The following OSBPL3 variants were observed in gnomAD, a reference collection of about 807,000 sequenced individuals.
OSBPL3 encodes oxysterol binding protein like 3, also known as oxysterol-binding protein-related protein 3.
OSBPL3 carries 65 observed loss-of-function variants against 120.1 expected under a neutral mutation model. That is an observed-to-expected ratio of 0.54 (90% CI 0.44 to 0.67). The LOEUF (loss-of-function observed/expected upper bound fraction) is 0.67. Among genes scored for constraint, OSBPL3 ranks in the 30% least tolerant of loss-of-function variants. OSBPL3 has a pLI of 0.00. For missense variants in OSBPL3, 1,004 were observed against 1,082.1 expected (o/e 0.93, Z 1.01); for synonymous variants, 416 against 402.6 (o/e 1.03, Z -0.40).
intron 5 of OSBPL3, 143 bp from the exon 6 acceptor site, chr7:24,866,380 G>T: frequency 1.5e-6 from 1 of 686,390 alleles, no homozygotes; most frequent in Non-Finnish European, 2.5e-6. Flanking sequence ...GCTGATGCCT[G>T]TAATTCCAGC....
intron 1 of OSBPL3, among the ~76,000 whole-genome samples, chr7:24,935,871 G>A (rs1036225895): frequency 3.3e-5 from 5 of 151,898 alleles, no homozygotes; most frequent in African/African-American, 1.2e-4. Context: ...GTATATTCTC[G>A]AAGAAGGAAT....
Position 24,861,599 on chromosome 7 carries a change from GAAAA to G in OSBPL3, c.1027+10_1027+13del, listed in dbSNP as rs1800544938. The G allele has an allele frequency of 6.4e-7, 1 of 1,564,288 alleles. No individual in the cohort carries two copies. The highest frequency in any genetic ancestry group is 1.9e-5 in the Admixed American group (1 of 52,694). On this transcript the variant is annotated intron_variant, in intron 10 of 22. Transcript: ENST00000313367. ...TTTCATCAAACACATTAGGAAGAAA[GAAAA>G]CTCATTTACCTTTATGGGCAATATG... is the stretch of plus-strand genomic sequence containing the variant.
chr7:24,922,436 G>C lies in OSBPL3; in HGVS notation c.-149-29815C>G, dbSNP rs10242072. 0.23 allele frequency among the ~76,000 whole-genome samples: 34,589 copies of C among 151,986 alleles called. 4,300 individuals carry two copies. The highest frequency in any genetic ancestry group is 0.35 in the East Asian group (1,823 of 5,164). On this transcript the variant is annotated intron_variant, in intron 1 of 22. Transcript: ENST00000313367. The surrounding 1 kb of genome is among the most constrained non-coding windows in gnomAD (Gnocchi z 4.3). The stretch of plus-strand genomic sequence containing the variant: ...ATTGTATGGCTGAGTGACCAGCGTG[G>C]GAGGGAAATTAAGTTTTCGGTGGAT...
intron 1 of OSBPL3, among the ~76,000 whole-genome samples, chr7:24,960,013 T>A (rs903335071): frequency 2.0e-5 from 3 of 152,210 alleles, no homozygotes; most frequent in Admixed American, 6.5e-5. Context: ...GAAAAGAATT[T>A]CCTTAAATGG....
At position 24,960,034 on chromosome 7, in the gene OSBPL3, G is replaced by T. The variant is rs115881461; in HGVS notation, c.-150+19852C>A. ...AATTTCCTTAAATGGTACCAAAATAGCTATTACTCTTAAATGAACCTTCTG... is the reference window on the plus strand; with the variant it reads ...AATTTCCTTAAATGGTACCAAAATATCTATTACTCTTAAATGAACCTTCTG... On this transcript the variant is annotated intron_variant, in intron 1 of 22. Coordinates refer to ENST00000313367, the MANE Select transcript of OSBPL3 (RefSeq NM_015550.4). Among the ~76,000 whole-genome samples the T allele has an allele frequency of 1.1e-3, 167 of 152,264 alleles. 4 individuals carry two copies. The highest frequency in any genetic ancestry group is 3.2e-3 in the African/African-American group (134 of 41,556).
In OSBPL3 at chr7:24,896,456, G is replaced by T. The variant is rs889833013; in HGVS notation, c.-149-3835C>A. On this transcript the variant is annotated intron_variant, in intron 1 of 22. Transcript: ENST00000313367. This position sits in a 1 kb window ranked among gnomAD's most constrained non-coding sequence, Gnocchi z 4.4. Reference sequence around the variant, plus strand: ...GACATGCAAACATAAGCTGTCCTGGGGCTTCCACTAGGAAAAGAGAACCCT... The same window carrying T: ...GACATGCAAACATAAGCTGTCCTGGTGCTTCCACTAGGAAAAGAGAACCCT... Among the ~76,000 whole-genome samples the T allele has an allele frequency of 2.0e-5, 3 of 152,182 alleles. No homozygotes were observed. The highest frequency in any genetic ancestry group is 7.2e-5 in the African/African-American group (3 of 41,432).
chr7:24,830,623 G>T lies in OSBPL3; in HGVS notation c.1884+145C>A, dbSNP rs1263519981. On this transcript the variant is annotated intron_variant, in intron 16 of 22. Coordinates refer to ENST00000313367, the MANE Select transcript of OSBPL3 (RefSeq NM_015550.4). The surrounding 1 kb of genome is among the most constrained non-coding windows in gnomAD (Gnocchi z 4.4). ...GCTTGGCTTCAGTGGAAGGGAAATC[G>T]ATCCCTCCCTTTATGTTGAAAAGCA... The T allele has an allele frequency of 2.0e-5, 16 of 809,774 alleles. No homozygotes were observed. In the South Asian group the frequency reaches 3.0e-4, roughly 15 times the overall value. The allele number at this position is 809,774 out of a possible 1,614,324, so 50.2% of individuals were successfully genotyped here.
chr7:24,953,718 A>G lies in OSBPL3; in HGVS notation c.-150+26168T>C, dbSNP rs1037597961. Among the ~76,000 whole-genome samples the G allele has an allele frequency of 6.6e-6, 1 of 152,196 alleles. No homozygotes were observed. Among genetic ancestry groups the G allele is most frequent in the Non-Finnish European group, 1.5e-5 (1 of 68,038 alleles). On this transcript the variant is annotated intron_variant, in intron 1 of 22. Transcript: ENST00000313367. This position sits in a 1 kb window ranked among gnomAD's most constrained non-coding sequence, Gnocchi z 4.3. Reference sequence around the variant, plus strand: ...TAGGTGCCCAGTAAACGCTGAACAAATGAATGAAAATAGAACTCCAAGTCA... The same window carrying G: ...TAGGTGCCCAGTAAACGCTGAACAAGTGAATGAAAATAGAACTCCAAGTCA...
chr7:24,816,552 A>C (rs953021358), intron 18 of OSBPL3, 58 bp downstream of exon 18: 1 of 1,250,200 alleles, frequency 8.0e-7, no homozygotes, highest in Admixed American at 1.7e-5. Flanking sequence ...CCTGTCCCCA[A>C]AGCAAAATCT....
rs945516987 is a variant in OSBPL3, at chr7:24,918,988, G to A, written c.-149-26367C>T. 2.0e-5 allele frequency among the ~76,000 whole-genome samples: 3 copies of A among 152,042 alleles called. No individual in the cohort carries two copies. The highest frequency in any genetic ancestry group is 7.3e-5 in the African/African-American group (3 of 41,372). ...AATTCCCCGAATTACCCTTTGATTT[G>A]GTAGAGTTTCATTTTATAGTTAAGA... On this transcript the variant is annotated intron_variant, in intron 1 of 22. Transcript: ENST00000313367. This position sits in a 1 kb window ranked among gnomAD's most constrained non-coding sequence, Gnocchi z 4.3.
chr7:24,880,208 G>A (rs1432838166), intron 2 of OSBPL3, among the ~76,000 whole-genome samples: 1 of 152,180 alleles, frequency 6.6e-6, no homozygotes, highest in East Asian at 1.9e-4. Flanking sequence ...TCATTTTACA[G>A]ATGAGAAAAT....
chr7:24,806,790 A>C lies in OSBPL3; in HGVS notation c.2430T>G (p.Phe810Leu). Residue 810 changes from phenylalanine (F) to leucine (L), a missense_variant, in exon 21 of 23, where the codon TTT becomes TTG. By Grantham distance (22) the Phe-to-Leu change is conservative. This residue lies in a region of OSBPL3 where 473 missense variants were observed against 568.0 expected (regional missense o/e 0.83). Transcript: ENST00000313367. The surrounding 1 kb of genome is among the most constrained non-coding windows in gnomAD (Gnocchi z 5.2). The stretch of plus-strand genomic sequence containing the variant: ...AAAATCCTTACCTCTGGTCTGGCCT[A>C]AATCGAGTGTCAGTAGGTGGCAATA... The part of the protein sequence containing the change: ...KSLLPPTDTR[F>L]RPDQRFLEEG... 6.2e-7 allele frequency: 1 copy of C among 1,614,012 alleles called. No homozygotes were observed. The highest frequency in any genetic ancestry group is 1.1e-5 in the South Asian group (1 of 91,056).
rs896937381 is a variant in OSBPL3, at chr7:24,849,138, G to C, written c.1197C>G (p.Arg399=). Residue 399 remains arginine (R), a synonymous_variant, in exon 12 of 23, where the codon CGC becomes CGG. Transcript: ENST00000313367. The surrounding 1 kb of genome is among the most constrained non-coding windows in gnomAD (Gnocchi z 5.4). ...AQNTDLKERL[R]RIHAESLLLD... ...GGAGCAGAGACTCGGCATGGATTCT[G>C]CGTAAGCGTTCTTTAAGATCTGTGT... 1 of 1,614,046 alleles carries C rather than the reference G, an allele frequency of 6.2e-7. No homozygotes were observed. Among genetic ancestry groups the C allele is most frequent in the Admixed American group, 1.7e-5 (1 of 60,026 alleles).
chr7:24,931,445 A>C (rs1337285366), intron 1 of OSBPL3, among the ~76,000 whole-genome samples: 1 of 152,126 alleles, frequency 6.6e-6, no homozygotes, highest in African/African-American at 2.4e-5. Flanking sequence ...AAGGGTCCTT[A>C]TAAGAGGGCG....
At position 24,815,947 on chromosome 7, in the gene OSBPL3, A is replaced by C. The variant is rs764353720; in HGVS notation, c.2027+663T>G. Reference sequence around the variant, plus strand: ...GCATCTTGCTTTATAAATAAGTATCAATCATCCCTATCAGATCAAGGCCAT... The same window carrying C: ...GCATCTTGCTTTATAAATAAGTATCCATCATCCCTATCAGATCAAGGCCAT... On this transcript the variant is annotated intron_variant, in intron 18 of 22. Coordinates refer to ENST00000313367, the MANE Select transcript of OSBPL3 (RefSeq NM_015550.4). The surrounding 1 kb of genome is among the most constrained non-coding windows in gnomAD (Gnocchi z 5.1). Among the ~76,000 whole-genome samples, 3 of 152,252 alleles carry C rather than the reference A, an allele frequency of 2.0e-5. No homozygotes were observed. The highest frequency in any genetic ancestry group is 6.5e-5 in the Admixed American group (1 of 15,288).
At position 24,913,867 on chromosome 7, in the gene OSBPL3, G is replaced by T. The variant is rs763993586; in HGVS notation, c.-149-21246C>A. Among the ~76,000 whole-genome samples the T allele has an allele frequency of 6.6e-6, 1 of 152,182 alleles. No individual in the cohort carries two copies. The highest frequency in any genetic ancestry group is 6.5e-5 in the Admixed American group (1 of 15,272). ...GTATCCCATCAAAAACATACACCCA[G>T]AAATGGAAAACAGAGCTAAAGTAAA... On this transcript the variant is annotated intron_variant, in intron 1 of 22. Coordinates refer to ENST00000313367, the MANE Select transcript of OSBPL3 (RefSeq NM_015550.4). The surrounding 1 kb of genome is among the most constrained non-coding windows in gnomAD (Gnocchi z 5.3).
chr7:24,924,419 C>T (rs1049705499), intron 1 of OSBPL3, among the ~76,000 whole-genome samples: 4 of 152,146 alleles, frequency 2.6e-5, no homozygotes, highest in East Asian at 3.9e-4. Context: ...GAATAAAGAG[C>T]GAAAAAGTAG....
Position 24,800,228 on chromosome 7 carries a change from T to C in OSBPL3, c.2619A>G (p.Arg873=). ...CCAGTTTGGAAAAACCAAGATCTTT[T>C]CTAAGTTCCAAATAGGTGCCGTTGC... ...WVSNGTYLEL[R]KDLGFSKLDH... Residue 873 remains arginine, a synonymous_variant, in exon 23 of 23, where the codon AGA becomes AGG. Transcript: ENST00000313367. 1 of 1,612,638 alleles carries C rather than the reference T, an allele frequency of 6.2e-7. No homozygotes were observed. The highest frequency in any genetic ancestry group is 8.5e-7 in the Non-Finnish European group (1 of 1,178,692).
rs1806641443 is a variant in OSBPL3, at chr7:24,899,316, T to C, written c.-149-6695A>G. ...AACTGTTAATACTGCTGGATTTGCC[T>C]TAGCTTTGGGGGAACTTGCATCTCT... On this transcript the variant is annotated intron_variant, in intron 1 of 22. Transcript: ENST00000313367. The surrounding 1 kb of genome is among the most constrained non-coding windows in gnomAD (Gnocchi z 4.0). Among the ~76,000 whole-genome samples, 1 of 152,204 alleles carries C rather than the reference T, an allele frequency of 6.6e-6. No homozygotes were observed. Among genetic ancestry groups the C allele is most frequent in the African/African-American group, 2.4e-5 (1 of 41,442 alleles).
Sources: allele counts gnomAD v4.1 joint callset (sites outside exome capture counted in the v4.1 genomes callset), GRCh38; gene constraint gnomAD v4.1.1; regional missense constraint gnomAD v4.1.1; non-coding constraint Gnocchi (gnomAD v3.1); transcripts MANE v1.5; gene names NCBI Gene and HGNC (gene_info 2026-07-23, HGNC 2026-07-21).